The following CYLC1 variants were observed in gnomAD, a reference collection of about 807,000 sequenced individuals.
CYLC1 encodes cylicin-1.
A neutral mutation model predicts 31.6 loss-of-function variants in CYLC1; 2 were observed. The ratio of observed to expected loss-of-function variants is 0.06; its 90% CI spans 0.03 to 0.20. CYLC1 has a LOEUF of 0.20. Ranked by LOEUF, CYLC1 falls within the 10% of genes least tolerant of loss-of-function variation. The pLI, the probability that CYLC1 is intolerant of heterozygous loss-of-function variation, is 1.00. For missense variants in CYLC1, 595 were observed against 424.1 expected (o/e 1.40, Z -3.54); for synonymous variants, 185 against 153.0 (o/e 1.21, Z -1.54).
chrX:83,884,193 A>G (rs1348200168), intron 4 of CYLC1, among the ~76,000 whole-genome samples: 1 of 111,846 alleles, frequency 8.9e-6, no homozygotes, highest in African/African-American at 3.2e-5. Context: ...AAAGCAGCAG[A>G]GAATATTGTG....
At chrX:83,880,975 A>G (rs1366153563) in intron 4 of CYLC1, among the ~76,000 whole-genome samples, 2 of 111,996 alleles carry the variant, frequency 1.8e-5, no homozygotes, top group African/African-American at 6.5e-5. Context: ...CAGAGGTTAC[A>G]TGACATTATG....
At chrX:83,877,075 T>G (rs1372645345) in intron 4 of CYLC1, among the ~76,000 whole-genome samples, 1 of 111,182 alleles carries the variant, frequency 9.0e-6, no homozygotes, top group East Asian at 2.8e-4. Context: ...TATTCCTCCC[T>G]TAGCTGTCTT....
intron 1 of CYLC1, among the ~76,000 whole-genome samples, chrX:83,867,154 AT>A (rs1277597351): frequency 3.6e-5 from 4 of 111,420 alleles, no homozygotes; most frequent in Non-Finnish European, 7.6e-5. Context: ...TAAAATCCAT[AT>A]TTCATCAAGT....
Position 83,873,492 on chromosome X carries a change from G to A in CYLC1, c.784G>A (p.Asp262Asn). ...GTCTGATGATGAATCCATAAATTTT[G>A]ATGCATGGTTAAGGAATTACTCACA... is the stretch of plus-strand genomic sequence containing the variant. ...GQSDDESINF[D>N]AWLRNYSQNN... Residue 262 changes from aspartate to asparagine, a missense_variant, in exon 4 of 5, where the codon GAT becomes AAT. Coordinates refer to ENST00000329312, the MANE Select transcript of CYLC1 (RefSeq NM_021118.3). 8.4e-7 allele frequency: 1 copy of A among 1,191,244 alleles called. No homozygotes were observed. Among genetic ancestry groups the A allele is most frequent in the South Asian group, 1.8e-5 (1 of 55,137 alleles).
rs2064932042 is a variant in CYLC1, at chrX:83,872,914, G to T, written c.206G>T (p.Gly69Val). Reference protein sequence around the residue: ...TRHDKRKLEEGQKPAHKWIRH... With the variant: ...TRHDKRKLEEVQKPAHKWIRH... The stretch of plus-strand genomic sequence containing the variant: ...CATGACAAAAGAAAACTAGAAGAAG[G>T]CCAGAAACCAGCTCATAAATGGATA... The change falls in exon 4 of 5, where the codon GGC (glycine) becomes GTC (valine). Residue 69 changes from glycine to valine, a missense_variant. Coordinates refer to ENST00000329312, the MANE Select transcript of CYLC1 (RefSeq NM_021118.3). The T allele has an allele frequency of 1.1e-5, 13 of 1,173,678 alleles. No individual in the cohort carries two copies. Among genetic ancestry groups the T allele is most frequent in the Admixed American group, 2.7e-5 (1 of 37,145 alleles).
At chrX:83,864,483 T>C (rs1217725510) in intron 1 of CYLC1, among the ~76,000 whole-genome samples, 1 of 111,206 alleles carries the variant, frequency 9.0e-6, no homozygotes, top group Non-Finnish European at 1.9e-5. Context: ...CTGTCAGCTT[T>C]ATATAGAAAA....
chrX:83,870,917 G>C (rs1281636907), intron 2 of CYLC1, among the ~76,000 whole-genome samples: 1 of 110,506 alleles, frequency 9.0e-6, no homozygotes, highest in East Asian at 2.8e-4. Flanking sequence ...TTTCCACCTA[G>C]GGCCCTAATT....
At chrX:83,885,193 C>G (rs2031964895) in intron 4 of CYLC1, among the ~76,000 whole-genome samples, 1 of 110,357 alleles carries the variant, frequency 9.1e-6, no homozygotes, top group African/African-American at 3.3e-5. Context: ...AGTTATTCCA[C>G]ATATATTTAA....
chrX:83,877,646 T>C (rs995865041), intron 4 of CYLC1, among the ~76,000 whole-genome samples: 5 of 107,095 alleles, frequency 4.7e-5, no homozygotes, highest in African/African-American at 1.7e-4. Context: ...CTTTTCATTA[T>C]TTAGTTTTTC....
intron 4 of CYLC1, among the ~76,000 whole-genome samples, chrX:83,882,500 T>C (rs1297646563): frequency 9.0e-6 from 1 of 111,013 alleles, no homozygotes; most frequent in Non-Finnish European, 1.9e-5. Context: ...GTACCTACAT[T>C]AACTTGTAAT....
intron 4 of CYLC1, among the ~76,000 whole-genome samples, chrX:83,877,893 T>C (rs1445847501): frequency 2.4e-5 from 1 of 41,733 alleles, no homozygotes; most frequent in African/African-American, 7.3e-5. Flanking sequence ...TATATATATA[T>C]ATACAAATAT....
rs201422295 is a variant in CYLC1 at position 83,873,405 on chromosome X, C to T, written c.697C>T (p.Pro233Ser). The change falls in exon 4 of 5, where the codon CCC (proline) becomes TCC (serine). Residue 233 changes from proline to serine, a missense_variant. Physicochemically the swap from Pro to Ser is moderately conservative, Grantham distance 74. Transcript: ENST00000329312. ...DLKRSKTSND[P>S]ISEICSENSL... ...GAAGAGGTCAAAGACTAGTAATGAT[C>T]CCATATCAGAGATTTGCTCAGAAAA... is the stretch of plus-strand genomic sequence containing the variant. The T allele has an allele frequency of 1.1e-4, 131 of 1,202,076 alleles. No individual in the cohort carries two copies. In the East Asian group the frequency reaches 3.8e-3, roughly 34 times the overall value.
At chrX:83,862,878 T>C (rs997870176) in intron 1 of CYLC1, among the ~76,000 whole-genome samples, 8 of 111,769 alleles carry the variant, frequency 7.2e-5, no homozygotes, top group Non-Finnish European at 1.1e-4. Flanking sequence ...GGGGTGATGT[T>C]TTCCTTCCTA....
At chrX:83,878,382 A>T (rs377300500) in intron 4 of CYLC1, among the ~76,000 whole-genome samples, 185 of 5,447 alleles carry the variant, frequency 0.034, 1 homozygote, top group Admixed American at 0.052. Context: ...TATATATATA[A>T]ATATATATAA....
At chrX:83,877,659 C>T (rs944388235) in intron 4 of CYLC1, among the ~76,000 whole-genome samples, 2 of 106,216 alleles carry the variant, frequency 1.9e-5, no homozygotes, top group Non-Finnish European at 3.9e-5. Context: ...AGTTTTTCAG[C>T]TTAAGTGTTC....
intron 1 of CYLC1, among the ~76,000 whole-genome samples, chrX:83,863,087 G>A (rs771748355): frequency 3.6e-5 from 4 of 111,180 alleles, no homozygotes; most frequent in East Asian, 2.8e-4. Context: ...ATGATTTTCC[G>A]TCTGGCTATC....
intron 4 of CYLC1, among the ~76,000 whole-genome samples, chrX:83,878,008 A>G (rs1416915657): frequency 1.4e-5 from 1 of 70,143 alleles, no homozygotes; most frequent in Non-Finnish European, 2.4e-5. Context: ...GTATATAAAT[A>G]TATATATAAA....
At chrX:83,883,790 T>C (rs1486256411) in intron 4 of CYLC1, among the ~76,000 whole-genome samples, 1 of 111,829 alleles carries the variant, frequency 8.9e-6, no homozygotes, top group East Asian at 2.8e-4. Flanking sequence ...GAATGTGGCA[T>C]TTGTTAGAGG....
intron 4 of CYLC1, among the ~76,000 whole-genome samples, chrX:83,876,449 G>GA (rs1217675313): frequency 2.7e-5 from 3 of 110,849 alleles, no homozygotes; most frequent in South Asian, 3.8e-4. Context: ...TAAAATATAA[G>GA]AAAAAAATTG....
Sources: gnomAD v4.1 joint callset for allele counts (sites outside exome capture counted in the v4.1 genomes callset) on GRCh38, gnomAD v4.1.1 for gene constraint, MANE v1.5 for transcripts, NCBI Gene and HGNC (gene_info 2026-07-23, HGNC 2026-07-21) for gene names.